Variants in TBL1XR1 observed in about 807,000 individuals in gnomAD.
TBL1XR1 encodes the protein F-box-like/WD repeat-containing protein TBL1XR1.
TBL1XR1 carries 5 observed loss-of-function variants against 66.9 expected under a neutral mutation model. That is an observed-to-expected ratio of 0.07 (90% CI 0.04 to 0.16). The LOEUF (loss-of-function observed/expected upper bound fraction) is 0.16, where lower values mean the gene tolerates loss of function less well. Ranked by LOEUF, TBL1XR1 falls within the 10% of genes least tolerant of loss-of-function variation. The probability of loss-of-function intolerance (pLI) is 1.00; values close to 1 mark genes in which losing one functional copy is unlikely to be tolerated. For missense variants in TBL1XR1, 238 were observed against 623.2 expected (o/e 0.38, Z 6.58); for synonymous variants, 210 against 206.0 (o/e 1.02, Z -0.17).
chr3:177,069,780 A>C (rs1719659911), intron 2 of TBL1XR1, among the ~76,000 whole-genome samples: 1 of 96,268 alleles, frequency 1.0e-5, no homozygotes, highest in Non-Finnish European at 2.1e-5. Flanking sequence ...AAGGAAAGGA[A>C]GGAAAAGGAA....
At chr3:177,157,341 G>A (rs1385268940) in intron 1 of TBL1XR1, among the ~76,000 whole-genome samples, 1 of 152,202 alleles carries the variant, frequency 6.6e-6, no homozygotes, top group Non-Finnish European at 1.5e-5. Context: ...TCCAAGCCAA[G>A]AAATGTGTGC....
At chr3:177,199,559 C>G (rs1737303251), upstream of TBL1XR1, among the ~76,000 whole-genome samples, 1 of 152,058 alleles carries the variant, frequency 6.6e-6, no homozygotes, top group African/African-American at 2.4e-5. Context: ...ACTGTAAAAT[C>G]AAACCCCACT....
At chr3:177,153,060 G>A (rs551939794) in intron 1 of TBL1XR1, among the ~76,000 whole-genome samples, 28 of 152,242 alleles carry the variant, frequency 1.8e-4, no homozygotes, top group East Asian at 1.3e-3. Context: ...AGAATCGCCC[G>A]GGAAGTGGAG....
At chr3:177,112,107 A>ATATATATATATATATATTTTTTTT in intron 1 of TBL1XR1, among the ~76,000 whole-genome samples, 2 of 37,644 alleles carry the variant, frequency 5.3e-5, no homozygotes, top group Non-Finnish European at 8.9e-5. Context: ...ATATATATAT[A>ATATATATATATATATATTTTTTTT]TTTTTTTTTT....
At chr3:177,122,051 G>A (rs1727036005) in intron 1 of TBL1XR1, among the ~76,000 whole-genome samples, 1 of 152,044 alleles carries the variant, frequency 6.6e-6, no homozygotes, top group South Asian at 2.1e-4. Context: ...AAACCATGAA[G>A]TGTTGAAATC....
intron 1 of TBL1XR1, among the ~76,000 whole-genome samples, chr3:177,181,019 C>T (rs1207045752): frequency 1.3e-5 from 2 of 151,948 alleles, no homozygotes; most frequent in African/African-American, 4.8e-5. Flanking sequence ...AGAGGCGTGA[C>T]CCATGGCACT....
intron 1 of TBL1XR1, among the ~76,000 whole-genome samples, chr3:177,192,675 A>G: frequency 6.6e-6 from 1 of 152,232 alleles, no homozygotes; most frequent in South Asian, 2.1e-4. Context: ...CCCTACTAAA[A>G]TAAATAACAA....
chr3:177,031,986 G>A (rs1714072480), intron 14 of TBL1XR1, among the ~76,000 whole-genome samples: 1 of 151,910 alleles, frequency 6.6e-6, no homozygotes, highest in Admixed American at 6.5e-5. Context: ...TAACAAGTGT[G>A]CTTAAATATA....
At chr3:177,113,169 G>A (rs1725864023) in intron 1 of TBL1XR1, among the ~76,000 whole-genome samples, 1 of 152,034 alleles carries the variant, frequency 6.6e-6, no homozygotes, top group Non-Finnish European at 1.5e-5. Flanking sequence ...TTCACATGTA[G>A]AAAAATGAAA....
At position 177,108,088 on chromosome 3, in the gene TBL1XR1, T is replaced by C. The variant is rs1461910118; in HGVS notation, c.-121-9547A>G. ...TCATAGTTTGTTGACTCTGAAGCAA[T>C]TCCCAGAACCATCCAAATTTCTACA... On this transcript the variant is annotated intron_variant, in intron 1 of 15. Coordinates refer to ENST00000457928, the MANE Select transcript of TBL1XR1 (RefSeq NM_024665.7). 2.0e-5 allele frequency among the ~76,000 whole-genome samples: 3 copies of C among 151,704 alleles called. No homozygotes were observed. In the South Asian group the frequency reaches 6.2e-4, roughly 32 times the overall value.
At chr3:177,029,481 T>G (rs1713630583) in intron 14 of TBL1XR1, among the ~76,000 whole-genome samples, 1 of 151,596 alleles carries the variant, frequency 6.6e-6, no homozygotes, top group African/African-American at 2.4e-5. Context: ...ATTAGTGGGG[T>G]GTGGTGGCAT....
intron 10 of TBL1XR1, among the ~76,000 whole-genome samples, chr3:177,043,247 G>C (rs1715849750): frequency 6.6e-6 from 1 of 152,144 alleles, no homozygotes; most frequent in African/African-American, 2.4e-5. Flanking sequence ...CAATTATTGA[G>C]AGAAGAATAC....
intron 9 of TBL1XR1, among the ~76,000 whole-genome samples, chr3:177,047,010 TGA>T (rs3842572): frequency 0.026 from 3,970 of 152,210 alleles, 94 homozygotes; most frequent in South Asian, 0.084. Flanking sequence ...TATTCACTGG[TGA>T]GACTAACTAG....
At chr3:177,092,595 T>C (rs999850617) in intron 2 of TBL1XR1, among the ~76,000 whole-genome samples, 6 of 152,202 alleles carry the variant, frequency 3.9e-5, no homozygotes, top group Non-Finnish European at 4.4e-5. Flanking sequence ...GCACCTCACA[T>C]CCATTAAGAT....
At chr3:177,106,676 CAT>C (rs1264684679) in intron 1 of TBL1XR1, among the ~76,000 whole-genome samples, 2 of 152,144 alleles carry the variant, frequency 1.3e-5, no homozygotes, top group African/African-American at 4.8e-5. Context: ...AGTAATAAGA[CAT>C]AATGCATATT....
intron 1 of TBL1XR1, among the ~76,000 whole-genome samples, chr3:177,161,579 T>G (rs577160021): frequency 2.0e-5 from 3 of 152,106 alleles, no homozygotes; most frequent in Non-Finnish European, 4.4e-5. Flanking sequence ...GGTCAGGAGT[T>G]TGAGACCAGC....
At chr3:177,041,822 G>A (rs924263082) in intron 10 of TBL1XR1, among the ~76,000 whole-genome samples, 1 of 152,184 alleles carries the variant, frequency 6.6e-6, no homozygotes, top group African/African-American at 2.4e-5. Flanking sequence ...AGTTCAAAGT[G>A]AGGAGTCCAA....
intron 1 of TBL1XR1, among the ~76,000 whole-genome samples, chr3:177,123,269 T>C (rs1376000007): frequency 1.3e-5 from 2 of 151,706 alleles, no homozygotes; most frequent in East Asian, 1.9e-4. Context: ...ATAAAGTACA[T>C]ACATTAACAA....
At chr3:177,109,336 C>A (rs1344629405) in intron 1 of TBL1XR1, among the ~76,000 whole-genome samples, 1 of 152,040 alleles carries the variant, frequency 6.6e-6, no homozygotes, top group Non-Finnish European at 1.5e-5. Context: ...CAAGAAAATA[C>A]AAACTATCAA....
Sources: gnomAD v4.1 joint callset for allele counts (sites outside exome capture counted in the v4.1 genomes callset) on GRCh38, gnomAD v4.1.1 for gene constraint, MANE v1.5 for transcripts, NCBI Gene and HGNC (gene_info 2026-07-23, HGNC 2026-07-21) for gene names.